Variants in PREP observed in about 807,000 individuals in gnomAD.
PREP encodes prolyl endopeptidase.
A neutral mutation model predicts 87.6 loss-of-function variants in PREP; 29 were observed. The ratio of observed to expected loss-of-function variants is 0.33; its 90% CI spans 0.25 to 0.45. The LOEUF (loss-of-function observed/expected upper bound fraction) is 0.45, where lower values mean the gene tolerates loss of function less well. PREP is among the 20% of genes least tolerant of loss of function. The probability of loss-of-function intolerance (pLI) is 1.00; values close to 1 mark genes in which losing one functional copy is unlikely to be tolerated. For missense variants in PREP, 695 were observed against 886.5 expected (o/e 0.78, Z 2.74); for synonymous variants, 337 against 328.6 (o/e 1.03, Z -0.28).
intron 7 of PREP, among the ~76,000 whole-genome samples, chr6:105,350,702 G>A (rs555615351): frequency 6.6e-6 from 1 of 152,248 alleles, no homozygotes; most frequent in African/African-American, 2.4e-5. Context: ...TTGAACCTAA[G>A]AATGAAAACT....
intron 7 of PREP, among the ~76,000 whole-genome samples, chr6:105,342,219 G>A (rs1243046088): frequency 6.6e-6 from 1 of 152,154 alleles, no homozygotes; most frequent in Non-Finnish European, 1.5e-5. Flanking sequence ...GGGATGCAAG[G>A]CTGGTTCAAC....
chr6:105,316,569 A>T (rs375926230), intron 10 of PREP, among the ~76,000 whole-genome samples: 75 of 152,354 alleles, frequency 4.9e-4, no homozygotes, highest in African/African-American at 1.5e-3. Context: ...TCAAACCTTC[A>T]GTTTTTAAAA....
At chr6:105,306,784 C>T (rs1470170353) in intron 10 of PREP, among the ~76,000 whole-genome samples, 2 of 151,206 alleles carry the variant, frequency 1.3e-5, no homozygotes, top group Admixed American at 1.3e-4. Flanking sequence ...CACAACTTTC[C>T]CTGGAACCTG....
chr6:105,378,933 C>T (rs1001048425), intron 2 of PREP, among the ~76,000 whole-genome samples: 1 of 152,172 alleles, frequency 6.6e-6, no homozygotes, highest in African/African-American at 2.4e-5. Flanking sequence ...TTGGGTTCCC[C>T]TACAAAAACC....
rs183701510 is a variant in PREP at position 105,336,386 on chromosome 6, T to A, written c.824-2881A>T. ...TTAATCAGATTGTTCAAATCTTCTA[T>A]ATATTTACTGATTTCTTTTAGCCAT... On this transcript the variant is annotated intron_variant, in intron 7 of 14. Coordinates refer to ENST00000652536, the MANE Select transcript of PREP (RefSeq NM_002726.5). 7.0e-4 allele frequency among the ~76,000 whole-genome samples: 106 copies of A among 152,366 alleles called. 1 individual carries two copies. Among genetic ancestry groups the A allele is most frequent in the African/African-American group, 2.5e-3 (104 of 41,588 alleles).
intron 10 of PREP, among the ~76,000 whole-genome samples, chr6:105,317,101 G>A (rs530360064): frequency 6.6e-6 from 1 of 150,996 alleles, no homozygotes; most frequent in Non-Finnish European, 1.5e-5. Flanking sequence ...GTATACCACC[G>A]TGCCTGGCTA....
intron 6 of PREP, among the ~76,000 whole-genome samples, chr6:105,357,913 GT>G (rs796340115): frequency 0.013 from 1,835 of 138,354 alleles, 26 homozygotes; most frequent in South Asian, 0.081. Context: ...CAACAATACT[GT>G]TTTTTTTTTT....
At chr6:105,381,353 C>T (rs1772832667) in intron 2 of PREP, among the ~76,000 whole-genome samples, 1 of 151,632 alleles carries the variant, frequency 6.6e-6, no homozygotes, top group Non-Finnish European at 1.5e-5. Context: ...GATATTTTAA[C>T]CAGGGAAATG....
chr6:105,300,527 A>G (rs564361784), intron 10 of PREP, among the ~76,000 whole-genome samples: 253 of 152,362 alleles, frequency 1.7e-3, no homozygotes, highest in African/African-American at 5.6e-3. Context: ...AATTAAATTT[A>G]AAGCAGCTTC....
At chr6:105,300,753 T>A (rs1770516728) in intron 10 of PREP, among the ~76,000 whole-genome samples, 1 of 152,148 alleles carries the variant, frequency 6.6e-6, no homozygotes, top group Admixed American at 6.5e-5. Context: ...GCAGTTTAAC[T>A]CTGGAAGCAT....
At chr6:105,311,740 G>C (rs188059201) in intron 10 of PREP, among the ~76,000 whole-genome samples, 2 of 152,132 alleles carry the variant, frequency 1.3e-5, no homozygotes, top group African/African-American at 4.8e-5. Context: ...ACAAACTGAC[G>C]GGATGAATGA....
intron 12 of PREP, among the ~76,000 whole-genome samples, chr6:105,283,985 G>A (rs1380490942): frequency 6.6e-6 from 1 of 151,898 alleles, no homozygotes; most frequent in Non-Finnish European, 1.5e-5. Flanking sequence ...ACCATGAGTA[G>A]GGGGTATGGT....
chr6:105,358,395 G>C (rs1436965518), intron 6 of PREP, among the ~76,000 whole-genome samples: 1 of 151,974 alleles, frequency 6.6e-6, no homozygotes, highest in Non-Finnish European at 1.5e-5. Context: ...TTAGAGTACT[G>C]ATTAAATATA....
In PREP at chr6:105,277,108, G is replaced by GAA. The variant is rs1202123112; in HGVS notation, c.*1034_*1035dup. ...ATGCCTTGAAAAAAATTTTATGGAT[G>GAA]AAAGTTTAAGGAATAGTATATCTTA... On this transcript the variant is annotated 3_prime_UTR_variant, in exon 15 of 15. Transcript: ENST00000652536. Among the ~76,000 whole-genome samples the GAA allele has an allele frequency of 6.6e-6, 1 of 150,650 alleles. No individual in the cohort carries two copies. Among genetic ancestry groups the GAA allele is most frequent in the Non-Finnish European group, 1.5e-5 (1 of 67,802 alleles).
intron 10 of PREP, among the ~76,000 whole-genome samples, chr6:105,301,573 T>C (rs1167921027): frequency 6.6e-6 from 1 of 152,180 alleles, no homozygotes; most frequent in East Asian, 1.9e-4. Flanking sequence ...GGCATTTAAC[T>C]TTTGGGGAGT....
At chr6:105,380,910 A>C (rs924990263) in intron 2 of PREP, among the ~76,000 whole-genome samples, 5 of 152,196 alleles carry the variant, frequency 3.3e-5, no homozygotes, top group African/African-American at 1.2e-4. Context: ...GGAAAAGCAG[A>C]ATTGTGTTCT....
At chr6:105,388,401 G>A (rs1466851626) in intron 2 of PREP, among the ~76,000 whole-genome samples, 1 of 147,052 alleles carries the variant, frequency 6.8e-6, no homozygotes. Context: ...TGCCATAAAT[G>A]CCCCATTTGC....
rs1440399474 is a variant in PREP at position 105,376,235 on chromosome 6, G to A, written c.275C>T (p.Thr92Ile). The A allele has an allele frequency of 1.2e-6, 2 of 1,613,264 alleles. No homozygotes were observed. Among genetic ancestry groups the A allele is most frequent in the Admixed American group, 1.7e-5 (1 of 59,968 alleles). ...KGKRYFYFYN[T>I]GLQNQRVLYV... ...TAATACTCGCTGGTTCTGCAAACCTGTATTGTAAAAATAAAAATACCTGGG... is the reference window on the plus strand; with the variant it reads ...TAATACTCGCTGGTTCTGCAAACCTATATTGTAAAAATAAAAATACCTGGG... The change falls in exon 4 of 15, where the codon ACA becomes ATA. Residue 92 changes from threonine (T) to isoleucine (I), a missense_variant. Thr to Ile is a moderately conservative substitution (Grantham distance 89). Transcript: ENST00000652536.
chr6:105,391,518 A>G (rs542391052), intron 2 of PREP, among the ~76,000 whole-genome samples: 1 of 152,308 alleles, frequency 6.6e-6, no homozygotes, highest in East Asian at 1.9e-4. Context: ...CACTGTGCCT[A>G]GCCTGATTTC....
Sources: allele counts gnomAD v4.1 joint callset (sites outside exome capture counted in the v4.1 genomes callset), GRCh38; gene constraint gnomAD v4.1.1; transcripts MANE v1.5; gene names NCBI Gene and HGNC (gene_info 2026-07-23, HGNC 2026-07-21).